ZNF398: variants seen among roughly 807,000 people sequenced by gnomAD.
The protein encoded by ZNF398 is zinc finger DNA binding protein ZER6.
A neutral mutation model predicts 41.9 loss-of-function variants in ZNF398; 18 were observed. That is an observed-to-expected ratio of 0.43 (90% CI 0.30 to 0.64). The LOEUF is 0.64. ZNF398 is among the 30% of genes least tolerant of loss of function. The pLI is 0.14. For missense variants in ZNF398, 669 were observed against 822.8 expected (o/e 0.81, Z 2.29); for synonymous variants, 260 against 308.8 (o/e 0.84, Z 1.66).
In ZNF398 at chr7:149,147,776, G is replaced by A. The variant is rs1252229427; in HGVS notation, c.24+10G>A. 2 of 1,394,234 alleles carry A rather than the reference G, an allele frequency of 1.4e-6. No homozygotes were observed. Among genetic ancestry groups the A allele is most frequent in the Non-Finnish European group, 1.9e-6 (2 of 1,072,128 alleles). The allele number at this position is 1,394,234 out of a possible 1,614,324, so 86.4% of individuals were successfully genotyped here. On this transcript the variant is annotated intron_variant, in intron 1 of 5. Coordinates refer to ENST00000475153, the MANE Select transcript of ZNF398 (RefSeq NM_170686.3). This position sits in a 1 kb window ranked among gnomAD's most constrained non-coding sequence, Gnocchi z 5.6. Reference sequence around the variant, plus strand: ...GGCGGCCCCGGCCCCGGTAAGGGCGGCCGCGCGCGAGTGTTGTGAGCCCCC... The same window carrying A: ...GGCGGCCCCGGCCCCGGTAAGGGCGACCGCGCGCGAGTGTTGTGAGCCCCC...
chr7:149,150,486 C>T (rs1317994480), intron 1 of ZNF398, among the ~76,000 whole-genome samples: 2 of 152,030 alleles, frequency 1.3e-5, no homozygotes, highest in Admixed American at 6.6e-5. Flanking sequence ...GTGGTCCCGG[C>T]TACTCGGGAG....
At chr7:149,158,673 G>A (rs1795034168) in intron 2 of ZNF398, among the ~76,000 whole-genome samples, 1 of 151,626 alleles carries the variant, frequency 6.6e-6, no homozygotes, top group East Asian at 2.0e-4. Context: ...TGTCTCTACT[G>A]AAAATACAAA....
At chr7:149,139,021 C>A (rs181899878) in intron 2 of ZNF398, among the ~76,000 whole-genome samples, 1 of 151,498 alleles carries the variant, frequency 6.6e-6, no homozygotes, top group East Asian at 1.9e-4. Context: ...AGCAATTCTC[C>A]TGCCTCAGCC....
At chr7:149,170,877 T>TA (rs1201747173) in intron 4 of ZNF398, among the ~76,000 whole-genome samples, 1 of 152,100 alleles carries the variant, frequency 6.6e-6, no homozygotes, top group Non-Finnish European at 1.5e-5. Flanking sequence ...ATAAACACTG[T>TA]ATACTTAGGC....
intron 1 of ZNF398, chr7:149,128,780 T>TAAAATAAAATAAAATAAAATAAAATAAAA (rs71192757): frequency 7.0e-6 from 1 of 143,420 alleles, no homozygotes; most frequent in South Asian, 2.2e-4. Flanking sequence ...TAAAATAAAA[T>TAAAATAAAATAAAATAAAATAAAATAAAA]TATATATATA....
At chr7:149,155,795 C>A (rs1400847683) in intron 2 of ZNF398, among the ~76,000 whole-genome samples, 2 of 145,214 alleles carry the variant, frequency 1.4e-5, no homozygotes, top group Non-Finnish European at 1.5e-5. Context: ...GGCGCCATCT[C>A]GGCTCACTGC....
chr7:149,160,870 T>C (rs1234659465), intron 2 of ZNF398, among the ~76,000 whole-genome samples: 1 of 151,960 alleles, frequency 6.6e-6, no homozygotes, highest in Non-Finnish European at 1.5e-5. Context: ...GTACCCCATA[T>C]AGTTTTCTCA....
At chr7:149,168,615 C>G (rs12540644) in intron 4 of ZNF398, among the ~76,000 whole-genome samples, 81,882 of 151,922 alleles carry the variant, frequency 0.54, 25,588 homozygotes, top group East Asian at 0.9. Context: ...GTCGCCCAGG[C>G]TAGAGTGCAG....
intron 5 of ZNF398, 57 bp from the exon 6 acceptor site, chr7:149,178,591 G>A (rs1795519154): frequency 3.5e-6 from 5 of 1,447,094 alleles, no homozygotes; most frequent in Non-Finnish European, 4.7e-6. Flanking sequence ...AGGAATGCAT[G>A]AGAGTTGCTA....
rs752889353 is a variant in ZNF398, at chr7:149,166,960, G to A, written c.661+30G>A. ...GTGGGAGAAGAGATTCCTACTTCTT[G>A]TCTCCCTTTCCTGGTCAGACATGGT... On this transcript the variant is annotated intron_variant, in intron 4 of 5. Transcript: ENST00000475153. 9.9e-6 allele frequency: 15 copies of A among 1,507,564 alleles called. No homozygotes were observed. The African/African-American group carries it at 1.7e-4, about 17-fold the overall frequency. The allele number at this position is 1,507,564 out of a possible 1,614,324, so 93.4% of individuals were successfully genotyped here.
intron 4 of ZNF398, among the ~76,000 whole-genome samples, chr7:149,176,204 G>A (rs973264361): frequency 3.9e-5 from 6 of 152,102 alleles, no homozygotes; most frequent in Admixed American, 2.6e-4. Context: ...TTAGCTGGGC[G>A]TGGTGGCAGG....
intron 2 of ZNF398, among the ~76,000 whole-genome samples, chr7:149,132,056 A>G (rs1252107140): frequency 6.6e-6 from 1 of 152,186 alleles, no homozygotes; most frequent in Non-Finnish European, 1.5e-5. Flanking sequence ...ACATTTGCAA[A>G]TATATTTATA....
chr7:149,126,577 G>C, exon 1 of ZNF398: 1 of 393,784 alleles, frequency 2.5e-6, no homozygotes, highest in Non-Finnish European at 4.6e-6. Flanking sequence ...AACATGGAGA[G>C]AGCAGGAACA....
At chr7:149,141,221 A>T (rs1364203465) in intron 2 of ZNF398, among the ~76,000 whole-genome samples, 1 of 151,942 alleles carries the variant, frequency 6.6e-6, no homozygotes, top group Admixed American at 6.6e-5. Context: ...TTTTTAAAAG[A>T]GAGTATGAAG....
chr7:149,127,396 A>T (rs1826503756), intron 1 of ZNF398, among the ~76,000 whole-genome samples: 1 of 151,972 alleles, frequency 6.6e-6, no homozygotes, highest in Admixed American at 6.6e-5. Flanking sequence ...GGTTAAAAAA[A>T]AAAAACCTTA....
At chr7:149,145,411 C>CT (rs753715912), upstream of ZNF398, among the ~76,000 whole-genome samples, 16 of 152,170 alleles carry the variant, frequency 1.1e-4, no homozygotes, top group Non-Finnish European at 1.5e-4. Context: ...AGTCACAAGG[C>CT]ACTAGATACT....
At chr7:149,133,167 G>A (rs1250871035) in intron 2 of ZNF398, among the ~76,000 whole-genome samples, 2 of 151,560 alleles carry the variant, frequency 1.3e-5, no homozygotes, top group East Asian at 1.9e-4. Context: ...CCAGGGTGGA[G>A]TGCAGTGGCA....
intron 2 of ZNF398, among the ~76,000 whole-genome samples, chr7:149,160,208 G>A (rs1795078190): frequency 6.6e-6 from 1 of 152,160 alleles, no homozygotes; most frequent in Non-Finnish European, 1.5e-5. Context: ...GGAGGCCAAG[G>A]CGGGCGGATC....
chr7:149,155,733 T>A lies in ZNF398; in HGVS notation c.420+1393T>A, dbSNP rs1363207943. Among the ~76,000 whole-genome samples the A allele has an allele frequency of 3.8e-3, 340 of 89,776 alleles. 2 individuals carry two copies. Among genetic ancestry groups the A allele is most frequent in the African/African-American group, 0.011 (314 of 28,136 alleles). The allele number at this position is 89,776 out of a possible 152,430, so 58.9% of individuals were successfully genotyped here. ...TTTTTTTTTTTTTTTTTTTTTTAAT[T>A]TTTTTTTTTTTGAGATGGAGTCTCA... On this transcript the variant is annotated intron_variant, in intron 2 of 5. Coordinates refer to ENST00000475153, the MANE Select transcript of ZNF398 (RefSeq NM_170686.3).
Sources: gnomAD v4.1 joint callset for allele counts (sites outside exome capture counted in the v4.1 genomes callset) on GRCh38, gnomAD v4.1.1 for gene constraint, Gnocchi (gnomAD v3.1) non-coding constraint, MANE v1.5 for transcripts, NCBI Gene and HGNC (gene_info 2026-07-23, HGNC 2026-07-21) for gene names.